SLIT2: variants seen among roughly 807,000 people sequenced by gnomAD.
SLIT2 encodes slit guidance ligand 2.
SLIT2 carries 41 observed loss-of-function variants against 185.7 expected under a neutral mutation model. The ratio of observed to expected loss-of-function variants is 0.22; its 90% CI spans 0.17 to 0.29. The LOEUF is 0.29. SLIT2 is among the 10% of genes least tolerant of loss of function. The pLI is 1.00. For missense variants in SLIT2, 1,571 were observed against 1,909.0 expected, an observed-to-expected ratio of 0.82 and a Z score of 3.30; for synonymous variants, 693 against 680.2, an observed-to-expected ratio of 1.02 and a Z score of -0.29.
At chr4:20,332,552 G>A (rs542381704) in intron 4 of SLIT2, among the ~76,000 whole-genome samples, 1 of 152,076 alleles carries the variant, frequency 6.6e-6, no homozygotes, top group South Asian at 2.1e-4. Flanking sequence ...TGTTATGGCA[G>A]GCACCTATAA....
intron 12 of SLIT2, among the ~76,000 whole-genome samples, chr4:20,521,363 G>A (rs894648289): frequency 6.6e-6 from 1 of 152,166 alleles, no homozygotes; most frequent in African/African-American, 2.4e-5. Flanking sequence ...CTTAGTTTTG[G>A]TTGGTCAGAG....
At chr4:20,311,367 A>G (rs1434717747) in intron 4 of SLIT2, among the ~76,000 whole-genome samples, 1 of 152,234 alleles carries the variant, frequency 6.6e-6, no homozygotes, top group Non-Finnish European at 1.5e-5. Flanking sequence ...ATAACTTTTG[A>G]AAAATGTGAT....
intron 18 of SLIT2, among the ~76,000 whole-genome samples, chr4:20,534,684 C>T (rs1327569699): frequency 3.3e-5 from 5 of 152,094 alleles, no homozygotes; most frequent in Admixed American, 1.3e-4. Context: ...CTCAAACCCA[C>T]GATCCTGCCC....
intron 4 of SLIT2, among the ~76,000 whole-genome samples, chr4:20,437,334 G>T (rs1490867432): frequency 6.6e-6 from 1 of 152,128 alleles, no homozygotes; most frequent in Non-Finnish European, 1.5e-5. Context: ...TAGGAGTCAG[G>T]TCAGATGCAG....
At chr4:20,434,748 A>G (rs1729237026) in intron 4 of SLIT2, among the ~76,000 whole-genome samples, 3 of 152,210 alleles carry the variant, frequency 2.0e-5, no homozygotes, top group South Asian at 4.1e-4. Flanking sequence ...GAAGAAATAA[A>G]TAGGAACTAG....
chr4:20,333,786 T>C, intron 4 of SLIT2, among the ~76,000 whole-genome samples: 1 of 152,188 alleles, frequency 6.6e-6, no homozygotes, highest in Non-Finnish European at 1.5e-5. Flanking sequence ...TACGATGTTG[T>C]ATTGCTTTTA....
intron 21 of SLIT2, among the ~76,000 whole-genome samples, chr4:20,544,624 G>T (rs73110512): frequency 0.012 from 1,900 of 152,152 alleles, 37 homozygotes; most frequent in African/African-American, 0.043. Flanking sequence ...CTTCTTAGCA[G>T]TAACATATAT....
intron 4 of SLIT2, among the ~76,000 whole-genome samples, chr4:20,395,946 G>C (rs754563081): frequency 1.3e-5 from 2 of 151,690 alleles, no homozygotes; most frequent in Non-Finnish European, 2.9e-5. Flanking sequence ...ACATTACAAA[G>C]TAAAATTAAT....
Position 20,252,506 on chromosome 4 carries a change from G to T in SLIT2, c.-1310G>T, listed in dbSNP as rs1017529515. On this transcript the variant is annotated 5_prime_UTR_variant, in exon 1 of 37. Transcript: ENST00000504154. ...CGCCGGCAGGGGTACCGCCACTGTG[G>T]CCTTGGGGGACGGAATTCAAAGCCT... Among the ~76,000 whole-genome samples, 1 of 152,178 alleles carries T rather than the reference G, an allele frequency of 6.6e-6. No homozygotes were observed. Among genetic ancestry groups the T allele is most frequent in the Non-Finnish European group, 1.5e-5 (1 of 68,022 alleles).
chr4:20,418,520 A>G (rs1052519883), intron 4 of SLIT2, among the ~76,000 whole-genome samples: 19 of 152,204 alleles, frequency 1.2e-4, no homozygotes, highest in African/African-American at 4.3e-4. Context: ...ATGGGATACA[A>G]TGAATATTTA....
chr4:20,446,589 A>G (rs2148708109), intron 4 of SLIT2, among the ~76,000 whole-genome samples: 1 of 152,374 alleles, frequency 6.6e-6, no homozygotes, highest in Non-Finnish European at 1.5e-5. Context: ...AGTGTTTAAA[A>G]GCACAGGCTT....
At chr4:20,428,649 G>A (rs1160740852) in intron 4 of SLIT2, among the ~76,000 whole-genome samples, 4 of 152,104 alleles carry the variant, frequency 2.6e-5, no homozygotes, top group African/African-American at 4.8e-5. Context: ...AGAAAATACA[G>A]TATTTTACAA....
At chr4:20,598,436 C>G (rs758900967) in intron 33 of SLIT2, 41 bp downstream of exon 33, 4 of 1,609,062 alleles carry the variant, frequency 2.5e-6, no homozygotes, top group Non-Finnish European at 3.4e-6. Flanking sequence ...AAAAAAATTG[C>G]TTAATGAAGA....
At chr4:20,566,772 G>A (rs954271235) in intron 26 of SLIT2, among the ~76,000 whole-genome samples, 8 of 151,956 alleles carry the variant, frequency 5.3e-5, no homozygotes, top group Non-Finnish European at 8.8e-5. Flanking sequence ...TCGTACTACT[G>A]AGTCAATGTT....
At chr4:20,255,220 C>G (rs1272068880) in intron 1 of SLIT2, 1 of 361,192 alleles carries the variant, frequency 2.8e-6, no homozygotes, top group Non-Finnish European at 5.4e-6. Context: ...AGAGGAGGCG[C>G]TCTGACCCGC....
intron 9 of SLIT2, among the ~76,000 whole-genome samples, chr4:20,499,472 C>G (rs1718513065): frequency 1.3e-5 from 2 of 152,010 alleles, no homozygotes; most frequent in Non-Finnish European, 2.9e-5. Context: ...ATTTCAAAGT[C>G]ATCTGACTTT....
At chr4:20,298,564 GA>G (rs1716728173) in intron 4 of SLIT2, among the ~76,000 whole-genome samples, 1 of 152,112 alleles carries the variant, frequency 6.6e-6, no homozygotes, top group South Asian at 2.1e-4. Context: ...CTCTTTAAAG[GA>G]AAAACAATCT....
chr4:20,363,240 G>A (rs1722876179), intron 4 of SLIT2, among the ~76,000 whole-genome samples: 3 of 152,032 alleles, frequency 2.0e-5, no homozygotes, highest in Admixed American at 6.6e-5. Context: ...TTTGAAACAC[G>A]TGTGTGATAC....
chr4:20,300,809 T>A (rs55773484), intron 4 of SLIT2, among the ~76,000 whole-genome samples: 1 of 152,162 alleles, frequency 6.6e-6, no homozygotes, highest in Non-Finnish European at 1.5e-5. Flanking sequence ...TCCTATTTTT[T>A]AAAAAACTTA....
Sources: allele counts gnomAD v4.1 joint callset (sites outside exome capture counted in the v4.1 genomes callset), GRCh38; gene constraint gnomAD v4.1.1; transcripts MANE v1.5; gene names NCBI Gene and HGNC (gene_info 2026-07-23, HGNC 2026-07-21).